The following TMEM63A variants were observed in gnomAD, a reference collection of about 807,000 sequenced individuals.
The protein encoded by TMEM63A is mechanosensitive cation channel TMEM63A.
A neutral mutation model predicts 100.6 loss-of-function variants in TMEM63A; 76 were observed. The observed-to-expected ratio is 0.76, with a 90% CI of 0.63 to 0.91. TMEM63A has a LOEUF of 0.91. Among genes scored for constraint, TMEM63A ranks in the 40% least tolerant of loss-of-function variants. The pLI is 0.00. For missense variants in TMEM63A, 876 were observed against 1,008.8 expected (o/e 0.87, Z 1.78); for synonymous variants, 401 against 401.1 (o/e 1.00, Z 0.00).
In TMEM63A at chr1:225,845,667, T is replaced by A; in HGVS notation, c.*1272A>T. The stretch of plus-strand genomic sequence containing the variant: ...CTTGCTGGCAGAGGCACGGGAGGCC[T>A]GCTGGGGATGAGGCCACTGGCCAGG... On this transcript the variant is annotated 3_prime_UTR_variant, in exon 25 of 25. Transcript: ENST00000366835. The A allele has an allele frequency of 2.2e-6, 1 of 452,312 alleles. No homozygotes were observed. The highest frequency in any genetic ancestry group is 4.1e-6 in the Non-Finnish European group (1 of 244,090). 28.0% of individuals were successfully genotyped at this position (452,312 alleles called of 1,614,324 possible). A position where few individuals can be genotyped will look rare whatever the true frequency, so the allele number is the denominator to read the frequency against.
intron 15 of TMEM63A, among the ~76,000 whole-genome samples, chr1:225,857,395 G>GGGGGGGGGGGGGGGGGGGGGGGT (rs1669692294): frequency 1.6e-5 from 2 of 124,274 alleles, no homozygotes; most frequent in African/African-American, 7.3e-5. Context: ...GGGGGGGGGG[G>GGGGGGGGGGGGGGGGGGGGGGGT]GGTGCCCTGC....
intron 23 of TMEM63A, 120 bp downstream of exon 23, chr1:225,848,372 C>G: frequency 1.9e-6 from 2 of 1,032,776 alleles, no homozygotes; most frequent in Non-Finnish European, 2.8e-6. Context: ...CACAAACTTG[C>G]CTGCCATGTG....
In TMEM63A at chr1:225,856,639, T is replaced by C; in HGVS notation, c.1571+13A>G. The C allele has an allele frequency of 1.2e-6, 2 of 1,612,944 alleles. No homozygotes were observed. Among genetic ancestry groups the C allele is most frequent in the Non-Finnish European group, 1.7e-6 (2 of 1,179,370 alleles). Reference sequence around the variant, plus strand: ...CTTATTCTGAATTTAGAGCAGAAGGTGGTGGCATATACCTGGTGAGACCCA... The same window carrying C: ...CTTATTCTGAATTTAGAGCAGAAGGCGGTGGCATATACCTGGTGAGACCCA... On this transcript the variant is annotated intron_variant, in intron 17 of 24. Coordinates refer to ENST00000366835, the MANE Select transcript of TMEM63A (RefSeq NM_014698.3).
In TMEM63A at chr1:225,862,065, A is replaced by T. The variant is rs1669967549; in HGVS notation, c.1085+153T>A. 1 of 1,196,666 alleles carries T rather than the reference A, an allele frequency of 8.4e-7. No homozygotes were observed. Among genetic ancestry groups the T allele is most frequent in the Non-Finnish European group, 1.2e-6 (1 of 868,510 alleles). 74.1% of individuals were successfully genotyped at this position (1,196,666 alleles called of 1,614,324 possible). ...ACATGGGCTGGGCTGGCTGAAAGTG[A>T]GTGTGGGTAGCTGAGGGAGGAGAAG... On this transcript the variant is annotated intron_variant, in intron 13 of 24. Coordinates refer to ENST00000366835, the MANE Select transcript of TMEM63A (RefSeq NM_014698.3). This position sits in a 1 kb window ranked among gnomAD's most constrained non-coding sequence, Gnocchi z 5.1.
chr1:225,867,878 G>A lies in TMEM63A; in HGVS notation c.514+10C>T. 1.2e-6 allele frequency: 2 copies of A among 1,614,014 alleles called. No individual in the cohort carries two copies. Among genetic ancestry groups the A allele is most frequent in the Non-Finnish European group, 1.7e-6 (2 of 1,179,992 alleles). On this transcript the variant is annotated intron_variant, in intron 7 of 24. Coordinates refer to ENST00000366835, the MANE Select transcript of TMEM63A (RefSeq NM_014698.3). The surrounding 1 kb of genome is among the most constrained non-coding windows in gnomAD (Gnocchi z 4.6). ...ATTACAACATAGACAAGGGTGAGGA[G>A]GGTCATTACCCAGCAAGTCCCCTGA... is the stretch of plus-strand genomic sequence containing the variant.
At chr1:225,869,584 A>T (rs1423958073) in intron 6 of TMEM63A, among the ~76,000 whole-genome samples, 1 of 151,912 alleles carries the variant, frequency 6.6e-6, no homozygotes, top group Non-Finnish European at 1.5e-5. Context: ...AGAACATTTC[A>T]TCCTTATAAC....
At chr1:225,854,917 C>T (rs558016337) in intron 18 of TMEM63A, among the ~76,000 whole-genome samples, 4 of 152,224 alleles carry the variant, frequency 2.6e-5, no homozygotes, top group South Asian at 2.1e-4. Flanking sequence ...GACCCAAGGC[C>T]GAGCTTCGAG....
At chr1:225,844,427 C>G, downstream of TMEM63A, 2 of 1,613,034 alleles carry the variant, frequency 1.2e-6, no homozygotes, top group Non-Finnish European at 1.7e-6. Context: ...ATTTGTAGGA[C>G]TTTCTGGCTG....
chr1:225,842,320 TG>T, downstream of TMEM63A: 1 of 1,398,350 alleles, frequency 7.2e-7, no homozygotes, highest in Non-Finnish European at 1.0e-6. Context: ...TCCAGCTCTC[TG>T]GTCCCCAGGC....
At position 225,856,516 on chromosome 1, in the gene TMEM63A, C is replaced by T. The variant is rs146650677; in HGVS notation, c.1571+136G>A. On this transcript the variant is annotated intron_variant, in intron 17 of 24. Transcript: ENST00000366835. ...GAATCAATGACCCAGCCCTACTGCA[C>T]GCCGAGTGGTTGCGACAGGCTTAGA... The T allele has an allele frequency of 1.3e-3, 991 of 778,656 alleles. 10 individuals carry two copies. In the Admixed American group the frequency reaches 0.022, roughly 17 times the overall value. The allele number at this position is 778,656 out of a possible 1,614,324, so 48.2% of individuals were successfully genotyped here. A position where few individuals can be genotyped will look rare whatever the true frequency, so the allele number is the denominator to read the frequency against.
chr1:225,858,336 T>G (rs879481857), intron 15 of TMEM63A, among the ~76,000 whole-genome samples: 3 of 149,572 alleles, frequency 2.0e-5, no homozygotes, highest in African/African-American at 7.4e-5. Flanking sequence ...TTTTTTTTTT[T>G]TTTTTTGAGA....
chr1:225,880,791 C>T (rs1028759047), intron 1 of TMEM63A, among the ~76,000 whole-genome samples: 1 of 152,192 alleles, frequency 6.6e-6, no homozygotes, highest in Admixed American at 6.5e-5. Flanking sequence ...TCTAAATTTG[C>T]CAAAGTAAAC....
At chr1:225,874,759 C>T (rs935857601) in intron 3 of TMEM63A, among the ~76,000 whole-genome samples, 1 of 152,236 alleles carries the variant, frequency 6.6e-6, no homozygotes, top group East Asian at 1.9e-4. Context: ...AGAGCAGCCC[C>T]AGGAACCAGC....
At position 225,856,958 on chromosome 1, in the gene TMEM63A, G is replaced by A. The variant is rs377208935; in HGVS notation, c.1437C>T (p.Leu479=). 3 of 1,602,436 alleles carry A rather than the reference G, an allele frequency of 1.9e-6. No individual in the cohort carries two copies. The highest frequency in any genetic ancestry group is 2.5e-6 in the Non-Finnish European group (3 of 1,176,966). Residue 479 remains leucine (L), a synonymous_variant, in exon 16 of 25, where the codon CTC becomes CTT. Coordinates refer to ENST00000366835, the MANE Select transcript of TMEM63A (RefSeq NM_014698.3). ...GTGTAGAGTAGTAGACAATGGAGGG[G>A]AGCAGGGCCGAGAAGGACCAGAGCA... ...TLLLWSFSAL[L]PSIVYYSTLL...
At chr1:225,877,730 G>A (rs1670882588) in intron 2 of TMEM63A, 136 bp from the exon 3 acceptor site, 3 of 785,216 alleles carry the variant, frequency 3.8e-6, no homozygotes. Flanking sequence ...AAGGAGTCCG[G>A]GAGAGCCAGA....
At chr1:225,857,702 G>A (rs1019909576) in intron 15 of TMEM63A, among the ~76,000 whole-genome samples, 4 of 151,780 alleles carry the variant, frequency 2.6e-5, no homozygotes, top group South Asian at 2.1e-4. Flanking sequence ...AGAATGGCTC[G>A]GCAAATATCT....
In TMEM63A at chr1:225,852,772, G is replaced by A. The variant is rs540512171; in HGVS notation, c.1798-3C>T. On this transcript the variant is annotated splice_region_variant and splice_polypyrimidine_tract_variant and intron_variant, in intron 19 of 24. Transcript: ENST00000366835. Reference sequence around the variant, plus strand: ...AACTCGTACTGGAAGGCCTGGTTCTGGGAGGAGGAGGTGGTGAGGAGCTCA... The same window carrying A: ...AACTCGTACTGGAAGGCCTGGTTCTAGGAGGAGGAGGTGGTGAGGAGCTCA... The A allele has an allele frequency of 2.5e-6, 4 of 1,613,724 alleles. No individual in the cohort carries two copies. The highest frequency in any genetic ancestry group is 2.2e-5 in the South Asian group (2 of 91,076).
chr1:225,858,987 T>TGTGTGTGC (rs1669796640), intron 15 of TMEM63A, among the ~76,000 whole-genome samples: 1 of 150,520 alleles, frequency 6.6e-6, no homozygotes, highest in African/African-American at 2.5e-5. Flanking sequence ...TGTGTGTGTG[T>TGTGTGTGC]GTGTGTGTGT....
At chr1:225,882,092 G>C (rs1404961923) in intron 1 of TMEM63A, among the ~76,000 whole-genome samples, 3 of 152,250 alleles carry the variant, frequency 2.0e-5, no homozygotes, top group Non-Finnish European at 4.4e-5. Flanking sequence ...CTGAAAAGCC[G>C]CCAGGAATTC....
Sources: allele counts gnomAD v4.1 joint callset (sites outside exome capture counted in the v4.1 genomes callset), GRCh38; gene constraint gnomAD v4.1.1; non-coding constraint Gnocchi (gnomAD v3.1); transcripts MANE v1.5; gene names NCBI Gene and HGNC (gene_info 2026-07-23, HGNC 2026-07-21).